The following HERC4 variants were observed in gnomAD, a reference collection of about 807,000 sequenced individuals.
HERC4 encodes the protein HECT and RLD domain containing E3 ubiquitin protein ligase 4, also known as probable E3 ubiquitin-protein ligase HERC4.
HERC4 carries 28 observed loss-of-function variants against 124.3 expected under a neutral mutation model. The observed-to-expected ratio is 0.23, with a 90% CI of 0.17 to 0.31. HERC4 has a LOEUF of 0.31. Among genes scored for constraint, HERC4 ranks in the 10% least tolerant of loss-of-function variants. The pLI is 1.00. For missense variants in HERC4, 713 were observed against 1,229.3 expected (o/e 0.58, Z 6.28); for synonymous variants, 407 against 421.5 (o/e 0.97, Z 0.42).
intron 14 of HERC4, 81 bp downstream of exon 14, chr10:67,990,130 A>C (rs2036473044): frequency 8.6e-7 from 1 of 1,167,938 alleles, no homozygotes; most frequent in Non-Finnish European, 1.2e-6. Context: ...GGGCAGCAGA[A>C]CTGCAAATGG....
intron 9 of HERC4, among the ~76,000 whole-genome samples, chr10:67,998,007 TC>T (rs1267083236): frequency 6.6e-6 from 1 of 152,056 alleles, no homozygotes; most frequent in Non-Finnish European, 1.5e-5. Flanking sequence ...CAAGCGATTC[TC>T]CTGCCTCAGC....
intron 14 of HERC4, among the ~76,000 whole-genome samples, chr10:67,989,952 G>C (rs1416578826): frequency 6.6e-6 from 1 of 152,034 alleles, no homozygotes; most frequent in Non-Finnish European, 1.5e-5. Flanking sequence ...GAATACGGGT[G>C]ACAGTTTTTA....
intron 22 of HERC4, 103 bp downstream of exon 22, chr10:67,936,050 T>C: frequency 1.5e-6 from 1 of 665,474 alleles, no homozygotes; most frequent in East Asian, 2.9e-5. Context: ...AAATTAAAGT[T>C]TTATTGGAGT....
intron 9 of HERC4, among the ~76,000 whole-genome samples, chr10:68,005,855 T>C (rs1210594714): frequency 6.6e-6 from 1 of 152,056 alleles, no homozygotes; most frequent in African/African-American, 2.4e-5. Context: ...GCATGTGCCA[T>C]GATGCCAGGC....
chr10:67,949,004 A>G (rs2033595636), intron 19 of HERC4, among the ~76,000 whole-genome samples: 1 of 152,216 alleles, frequency 6.6e-6, no homozygotes, highest in African/African-American at 2.4e-5. Context: ...CTGTAATCCC[A>G]GCACTTTGGG....
chr10:67,984,637 C>T (rs769133070), intron 15 of HERC4, among the ~76,000 whole-genome samples: 6 of 152,130 alleles, frequency 3.9e-5, no homozygotes, highest in Non-Finnish European at 7.4e-5. Context: ...GGCTGGAGTG[C>T]AATGGCACGA....
chr10:68,023,081 A>G (rs1055806199), intron 8 of HERC4, among the ~76,000 whole-genome samples: 4 of 152,152 alleles, frequency 2.6e-5, no homozygotes, highest in African/African-American at 9.7e-5. Context: ...AACCCTGTAC[A>G]CTTTTGGTGG....
rs757709847 is a variant in HERC4 at position 68,039,973 on chromosome 10, C to T, written c.387-1804G>A. ...CATTTATCGCTACTAACCACAGGTA[C>T]CTATTCATTTAATATTTGTCTCCTC... On this transcript the variant is annotated intron_variant, in intron 4 of 24. Transcript: ENST00000373700. 39 of 749,396 alleles carry T rather than the reference C, an allele frequency of 5.2e-5. No homozygotes were observed. In the South Asian group the frequency reaches 5.3e-4, roughly 10 times the overall value. 46.4% of individuals were successfully genotyped at this position (749,396 alleles called of 1,614,324 possible). A position where few individuals can be genotyped will look rare whatever the true frequency, so the allele number is the denominator to read the frequency against.
intron 7 of HERC4, among the ~76,000 whole-genome samples, chr10:68,028,609 A>G (rs555300020): frequency 3.9e-5 from 6 of 152,198 alleles, no homozygotes; most frequent in Non-Finnish European, 8.8e-5. Context: ...CAGATTATAC[A>G]TGGTTCATCA....
At chr10:68,045,469 G>A (rs2039973581) in intron 3 of HERC4, among the ~76,000 whole-genome samples, 2 of 152,226 alleles carry the variant, frequency 1.3e-5, no homozygotes, top group African/African-American at 4.8e-5. Context: ...GACTGACAGG[G>A]TTTCCATTTG....
At position 67,922,793 on chromosome 10, in the gene HERC4, C is replaced by T; in HGVS notation, c.*138G>A. The stretch of plus-strand genomic sequence containing the variant: ...TTTTCCTTTAATATTTTTTGGCTTC[C>T]ATGAACACTCGTAGATTGAACATTC... On this transcript the variant is annotated 3_prime_UTR_variant, in exon 25 of 25. Transcript: ENST00000373700. The T allele has an allele frequency of 1.7e-6, 1 of 591,632 alleles. No individual in the cohort carries two copies. The highest frequency in any genetic ancestry group is 2.6e-5 in the East Asian group (1 of 38,098). 36.6% of individuals were successfully genotyped at this position (591,632 alleles called of 1,614,324 possible). A position where few individuals can be genotyped will look rare whatever the true frequency, so the allele number is the denominator to read the frequency against.
intron 15 of HERC4, among the ~76,000 whole-genome samples, chr10:67,988,439 G>C (rs1270016008): frequency 6.6e-6 from 1 of 151,988 alleles, no homozygotes; most frequent in African/African-American, 2.4e-5. Context: ...GCCCAACTAT[G>C]GATAAGTTAT....
chr10:68,038,054 A>G (rs1371036948), intron 5 of HERC4, 39 bp downstream of exon 5: 3 of 1,147,900 alleles, frequency 2.6e-6, no homozygotes, highest in Non-Finnish European at 3.8e-6. Flanking sequence ...GTATCAAGTA[A>G]TAAAACTGAA....
At chr10:68,013,771 C>T (rs2038106002) in intron 9 of HERC4, among the ~76,000 whole-genome samples, 1 of 152,166 alleles carries the variant, frequency 6.6e-6, no homozygotes, top group East Asian at 1.9e-4. Flanking sequence ...AACCTCCCTC[C>T]CACTGGTATG....
chr10:67,976,271 T>C (rs977500429), intron 15 of HERC4, among the ~76,000 whole-genome samples: 3 of 152,156 alleles, frequency 2.0e-5, no homozygotes, highest in African/African-American at 7.2e-5. Flanking sequence ...AAAAGAAATA[T>C]ACAGAATAGT....
chr10:68,045,229 A>AG (rs2039962742), intron 3 of HERC4, among the ~76,000 whole-genome samples: 1 of 152,196 alleles, frequency 6.6e-6, no homozygotes, highest in South Asian at 2.1e-4. Context: ...AGGCTGAAAC[A>AG]GGAGACTCGC....
intron 11 of HERC4, 69 bp from the exon 12 acceptor site, chr10:67,991,268 A>G: frequency 1.1e-6 from 1 of 901,872 alleles, no homozygotes; most frequent in Non-Finnish European, 1.6e-6. Flanking sequence ...TTCTTAAAAA[A>G]GAATTAAAAT....
At position 67,991,193 on chromosome 10, in the gene HERC4, T is replaced by C; in HGVS notation, c.1278A>G (p.Ile426Met). The C allele has an allele frequency of 6.5e-7, 1 of 1,531,842 alleles. No individual in the cohort carries two copies. Among genetic ancestry groups the C allele is most frequent in the Non-Finnish European group, 8.8e-7 (1 of 1,138,760 alleles). 94.9% of individuals were successfully genotyped at this position (1,531,842 alleles called of 1,614,324 possible). A position where few individuals can be genotyped will look rare whatever the true frequency, so the allele number is the denominator to read the frequency against. ...GRFPVEIANEIDGTFSSSGCL... is the reference protein window; with the variant it reads ...GRFPVEIANEMDGTFSSSGCL... ...AACCAGAGGAAGAAAACGTTCCATCTATCTCACTAAAAAATTTAAAAAAGT... is the reference window on the plus strand; with the variant it reads ...AACCAGAGGAAGAAAACGTTCCATCCATCTCACTAAAAAATTTAAAAAAGT... Residue 426 changes from isoleucine (I) to methionine (M), a missense_variant, in exon 12 of 25, where the codon ATA (isoleucine) becomes ATG (methionine). By Grantham distance (10) the Ile-to-Met change is conservative. Coordinates refer to ENST00000373700, the MANE Select transcript of HERC4 (RefSeq NM_015601.4).
In HERC4 at chr10:68,066,129, T is replaced by C. The variant is rs139603881; in HGVS notation, c.226+6754A>G. Among the ~76,000 whole-genome samples, 1,122 of 152,320 alleles carry C rather than the reference T, an allele frequency of 7.4e-3. 14 individuals are homozygous for C. Among genetic ancestry groups the C allele is most frequent in the African/African-American group, 0.026 (1,080 of 41,562 alleles). ...AAACATTTGAGTACACCTCCTCTATTAGATTCTTTCATACATATCCCAAGC... is the reference window on the plus strand; with the variant it reads ...AAACATTTGAGTACACCTCCTCTATCAGATTCTTTCATACATATCCCAAGC... On this transcript the variant is annotated intron_variant, in intron 3 of 24. Coordinates refer to ENST00000373700, the MANE Select transcript of HERC4 (RefSeq NM_015601.4).
Sources: gnomAD v4.1 joint callset for allele counts (sites outside exome capture counted in the v4.1 genomes callset) on GRCh38, gnomAD v4.1.1 for gene constraint, MANE v1.5 for transcripts, NCBI Gene and HGNC (gene_info 2026-07-23, HGNC 2026-07-21) for gene names.